RAB11FIP4: variants seen among roughly 807,000 people sequenced by gnomAD.
RAB11FIP4 encodes rab11 family-interacting protein 4.
Under a neutral mutation model 74.3 loss-of-function variants are expected in RAB11FIP4, and 23 were observed. The observed-to-expected ratio is 0.31, with a 90% CI of 0.22 to 0.44. The LOEUF (loss-of-function observed/expected upper bound fraction) is 0.44. Ranked by LOEUF, RAB11FIP4 falls within the 20% of genes least tolerant of loss-of-function variation. The pLI is 1.00. For synonymous variants in RAB11FIP4, 360 were observed against 359.9 expected (o/e 1.00, Z 0.00); for missense variants, 630 against 863.9 (o/e 0.73, Z 3.39).
At chr17:31,449,186 C>G (rs1026489503) in intron 3 of RAB11FIP4, among the ~76,000 whole-genome samples, 1 of 152,024 alleles carries the variant, frequency 6.6e-6, no homozygotes, top group African/African-American at 2.4e-5. Flanking sequence ...GTGGCATGAC[C>G]CTGCTCTGAC....
Position 31,537,083 on chromosome 17 carries a change from G to T in RAB11FIP4, c.*5351G>T, listed in dbSNP as rs952055631. The T allele has an allele frequency of 7.5e-6, 3 of 399,530 alleles. No homozygotes were observed. Among genetic ancestry groups the T allele is most frequent in the Non-Finnish European group, 4.4e-6 (1 of 226,326 alleles). The allele number at this position is 399,530 out of a possible 1,614,324, so 24.7% of individuals were successfully genotyped here. A position where few individuals can be genotyped will look rare whatever the true frequency, so the allele number is the denominator to read the frequency against. ...CCTCCTGCTGGGGCCCATCCGCTTT[G>T]CTGTGCTGCACAGGCTGTTTTCATC... is the stretch of plus-strand genomic sequence containing the variant. On this transcript the variant is annotated 3_prime_UTR_variant, in exon 15 of 15. Coordinates refer to ENST00000621161, the MANE Select transcript of RAB11FIP4 (RefSeq NM_032932.6).
chr17:31,531,890 A>G lies in RAB11FIP4; in HGVS notation c.*158A>G. The G allele has an allele frequency of 1.6e-6, 1 of 629,640 alleles. No homozygotes were observed. Among genetic ancestry groups the G allele is most frequent in the Non-Finnish European group, 2.8e-6 (1 of 354,132 alleles). 39.0% of individuals were successfully genotyped at this position (629,640 alleles called of 1,614,324 possible). On this transcript the variant is annotated 3_prime_UTR_variant, in exon 15 of 15. Coordinates refer to ENST00000621161, the MANE Select transcript of RAB11FIP4 (RefSeq NM_032932.6). ...CCGTGTATATGTGGGGAGGCTGTGC[A>G]CACGAGCGAGGGGTGAGTGGCCGTG... is the stretch of plus-strand genomic sequence containing the variant.
intron 1 of RAB11FIP4, among the ~76,000 whole-genome samples, chr17:31,401,007 G>A (rs1256651235): frequency 6.6e-6 from 1 of 152,182 alleles, no homozygotes; most frequent in Non-Finnish European, 1.5e-5. Flanking sequence ...GGTGGCTCAT[G>A]CCTGTAATCC....
intron 3 of RAB11FIP4, among the ~76,000 whole-genome samples, chr17:31,473,094 G>C (rs1262245565): frequency 6.6e-6 from 1 of 152,062 alleles, no homozygotes; most frequent in African/African-American, 2.4e-5. Flanking sequence ...GAGTGGGAAA[G>C]AGCTTGGCTG....
At chr17:31,412,408 G>A (rs574138156) in intron 1 of RAB11FIP4, among the ~76,000 whole-genome samples, 6 of 152,322 alleles carry the variant, frequency 3.9e-5, no homozygotes, top group African/African-American at 9.6e-5. Flanking sequence ...GAAAGCCTCC[G>A]GGTAAAAATG....
chr17:31,442,253 C>G (rs1190485471), intron 3 of RAB11FIP4, among the ~76,000 whole-genome samples: 1 of 152,150 alleles, frequency 6.6e-6, no homozygotes, highest in Non-Finnish European at 1.5e-5. Context: ...CCTGCCTCGG[C>G]CTCCCAAAGT....
chr17:31,402,756 G>T (rs1292258301), intron 1 of RAB11FIP4, among the ~76,000 whole-genome samples: 1 of 151,730 alleles, frequency 6.6e-6, no homozygotes, highest in African/African-American at 2.4e-5. Flanking sequence ...CAAGTAGCTG[G>T]GACTACAGGC....
rs1410292541 is a variant in RAB11FIP4, at chr17:31,521,315, C to A, written c.713C>A (p.Thr238Asn). The change falls in exon 5 of 15, where the codon ACC becomes AAC. Residue 238 changes from threonine (T) to asparagine (N), a missense_variant. Coordinates refer to ENST00000621161, the MANE Select transcript of RAB11FIP4 (RefSeq NM_032932.6). ...APSSPCPDDE[T>N]RTNVYSDLGS... ...AGCAGCCCTTGCCCCGATGATGAGA[C>A]CAGGACCAACGTCTACTCGGACCTG... 1 of 1,613,756 alleles carries A rather than the reference C, an allele frequency of 6.2e-7. No individual in the cohort carries two copies. The highest frequency in any genetic ancestry group is 8.5e-7 in the Non-Finnish European group (1 of 1,179,762).
chr17:31,452,183 C>G (rs1243633034), intron 3 of RAB11FIP4, among the ~76,000 whole-genome samples: 1 of 152,168 alleles, frequency 6.6e-6, no homozygotes, highest in Admixed American at 6.5e-5. Flanking sequence ...TGTCATCCCC[C>G]ACTGGCCTGT....
intron 3 of RAB11FIP4, 131 bp from the exon 4 acceptor site, chr17:31,517,520 G>T: frequency 1.3e-6 from 1 of 791,074 alleles, no homozygotes; most frequent in Non-Finnish European, 2.1e-6. Flanking sequence ...CCACGCTTAG[G>T]GTTCGGGATC....
At chr17:31,421,408 G>A (rs935095241) in intron 1 of RAB11FIP4, among the ~76,000 whole-genome samples, 19 of 151,698 alleles carry the variant, frequency 1.3e-4, no homozygotes, top group South Asian at 2.1e-4. Flanking sequence ...TAGTAGAGAT[G>A]GGGTTTCACC....
intron 3 of RAB11FIP4, among the ~76,000 whole-genome samples, chr17:31,445,765 A>G (rs938702229): frequency 6.8e-6 from 1 of 147,104 alleles, no homozygotes; most frequent in Non-Finnish European, 1.5e-5. Flanking sequence ...TTTTTTTTGT[A>G]TTTTTAGTAG....
intron 3 of RAB11FIP4, among the ~76,000 whole-genome samples, chr17:31,452,486 G>A (rs2071535812): frequency 6.6e-6 from 1 of 152,136 alleles, no homozygotes; most frequent in African/African-American, 2.4e-5. Flanking sequence ...GTCAATCACT[G>A]ATCTTAAGAA....
At chr17:31,498,735 G>T (rs1371976045) in intron 3 of RAB11FIP4, among the ~76,000 whole-genome samples, 4 of 152,222 alleles carry the variant, frequency 2.6e-5, no homozygotes, top group Admixed American at 1.3e-4. Flanking sequence ...TCTCTGGAAA[G>T]TTCCATGTCA....
At chr17:31,470,809 C>A (rs917474909) in intron 3 of RAB11FIP4, among the ~76,000 whole-genome samples, 1 of 152,168 alleles carries the variant, frequency 6.6e-6, no homozygotes, top group African/African-American at 2.4e-5. Context: ...TAATGACCGT[C>A]CCCTATAAAC....
rs577126759 is a variant in RAB11FIP4 at position 31,516,570 on chromosome 17, C to T, written c.337-1081C>T. 5.3e-5 allele frequency among the ~76,000 whole-genome samples: 8 copies of T among 152,368 alleles called. No homozygotes were observed. In the South Asian group the frequency reaches 6.2e-4, roughly 12 times the overall value. ...CCGCAAGCTCCGCCTCCTAGGTTCACGCCATTCTCCTGCCTCAGCCTCCCG... is the reference window on the plus strand; with the variant it reads ...CCGCAAGCTCCGCCTCCTAGGTTCATGCCATTCTCCTGCCTCAGCCTCCCG... On this transcript the variant is annotated intron_variant, in intron 3 of 14. Coordinates refer to ENST00000621161, the MANE Select transcript of RAB11FIP4 (RefSeq NM_032932.6).
chr17:31,484,716 C>T (rs959876277), intron 3 of RAB11FIP4, among the ~76,000 whole-genome samples: 4 of 152,124 alleles, frequency 2.6e-5, no homozygotes, highest in Non-Finnish European at 5.9e-5. Flanking sequence ...AATTTTCCCT[C>T]AGGCTGCCTC....
At chr17:31,442,003 CT>C (rs749296163) in intron 3 of RAB11FIP4, among the ~76,000 whole-genome samples, 172 of 144,746 alleles carry the variant, frequency 1.2e-3, no homozygotes, top group Admixed American at 1.4e-3. Context: ...CGTATATACA[CT>C]TTTTTTTTTT....
intron 3 of RAB11FIP4, among the ~76,000 whole-genome samples, chr17:31,495,957 T>A (rs184363889): frequency 7.9e-5 from 12 of 152,308 alleles, no homozygotes; most frequent in Non-Finnish European, 1.5e-4. Context: ...TTTCCTTTCC[T>A]TTTTTTCCAT....
Sources: gnomAD v4.1 joint callset for allele counts (sites outside exome capture counted in the v4.1 genomes callset) on GRCh38, gnomAD v4.1.1 for gene constraint, MANE v1.5 for transcripts, NCBI Gene and HGNC (gene_info 2026-07-23, HGNC 2026-07-21) for gene names.